Variants in DLGAP2 observed in about 807,000 individuals in gnomAD.
DLGAP2 encodes disks large-associated protein 2.
In DLGAP2, 26 loss-of-function variants were observed where a neutral mutation model predicts 100.3. That is an observed-to-expected ratio of 0.26 (90% confidence interval 0.19 to 0.36). DLGAP2 has a LOEUF of 0.36. Among genes scored for constraint, DLGAP2 ranks in the 10% least tolerant of loss-of-function variants. The probability of loss-of-function intolerance (pLI) is 1.00; values close to 1 mark genes in which losing one functional copy is unlikely to be tolerated. For missense variants in DLGAP2, 1,858 were observed against 1,453.2 expected (o/e 1.28, Z -4.53); for synonymous variants, 886 against 630.1 (o/e 1.41, Z -6.08).
chr8:1,426,086 G>A (rs562389371), intron 3 of DLGAP2, among the ~76,000 whole-genome samples: 63 of 152,224 alleles, frequency 4.1e-4, no homozygotes, highest in Non-Finnish European at 7.8e-4. Flanking sequence ...AAGGCCGGGA[G>A]AAAGCGTCAG....
rs553966041 is a variant in DLGAP2, at chr8:1,256,795, G to A, written c.74-2056G>A. ...GTTTCCAGGTCAACTAAACCTGAGG[G>A]TCTGCTTCAGTGATGGCAGCGATGG... On this transcript the variant is annotated intron_variant, in intron 2 of 14. Transcript: ENST00000637795. Among the ~76,000 whole-genome samples the A allele has an allele frequency of 3.3e-5, 5 of 152,270 alleles. No homozygotes were observed. The South Asian group carries it at 6.2e-4, about 19-fold the overall frequency.
At chr8:1,122,027 T>C (rs899211937) in intron 2 of DLGAP2, among the ~76,000 whole-genome samples, 5 of 152,172 alleles carry the variant, frequency 3.3e-5, no homozygotes, top group African/African-American at 1.2e-4. Flanking sequence ...CAGACCTTCC[T>C]AGGGATTGAG....
chr8:1,668,808 C>A, intron 9 of DLGAP2, 130 bp downstream of exon 9: 4 of 902,088 alleles, frequency 4.4e-6, no homozygotes, highest in Non-Finnish European at 6.5e-6. Flanking sequence ...GCTGTGGAAT[C>A]TGAGAGCAGG....
rs1378341634 is a variant in DLGAP2, at chr8:1,344,160, T to TGCC, written c.106+85277_106+85278insGCC. 6.3e-3 allele frequency among the ~76,000 whole-genome samples: 953 copies of TGCC among 150,578 alleles called. 34 individuals are homozygous for TGCC. The highest frequency in any genetic ancestry group is 0.01 in the Middle Eastern group (3 of 286). On this transcript the variant is annotated intron_variant, in intron 3 of 14. Transcript: ENST00000637795. Reference sequence around the variant, plus strand: ...CGTGTACTCGGGGCCCTGTCGTGGGTCTTTGTACTCGGGGCGCTGTCGTGG... The same window carrying TGCC: ...CGTGTACTCGGGGCCCTGTCGTGGGTGCCCTTTGTACTCGGGGCGCTGTCGTGG...
At chr8:1,054,448 G>A (rs1439952768) in intron 2 of DLGAP2, among the ~76,000 whole-genome samples, 1 of 152,152 alleles carries the variant, frequency 6.6e-6, no homozygotes. Flanking sequence ...CTTCGGCTTT[G>A]TAGACGTCTA....
intron 1 of DLGAP2, among the ~76,000 whole-genome samples, chr8:883,586 C>T (rs543488171): frequency 1.5e-3 from 229 of 150,082 alleles, no homozygotes; most frequent in Non-Finnish European, 2.4e-3. Context: ...TGTGCCGCGG[C>T]GGTTCGTTAC....
At chr8:764,973 T>G (rs1225599979) in intron 1 of DLGAP2, among the ~76,000 whole-genome samples, 1 of 152,204 alleles carries the variant, frequency 6.6e-6, no homozygotes, top group Non-Finnish European at 1.5e-5. Flanking sequence ...CAATAAAGCT[T>G]GTGGCTGTTA....
rs1563072910 is a variant in DLGAP2, at chr8:1,702,764, C to T, written c.*1358C>T. 6.6e-6 allele frequency: 1 copy of T among 152,270 alleles called. No homozygotes were observed. Among genetic ancestry groups the T allele is most frequent in the Non-Finnish European group, 1.5e-5 (1 of 68,036 alleles). 9.4% of individuals were successfully genotyped at this position (152,270 alleles called of 1,614,324 possible). Reference sequence around the variant, plus strand: ...ACGACTTCTGTTTCACAGTTCAGACCGGTCTTCAAAGGAAAAGCCTGTCCG... The same window carrying T: ...ACGACTTCTGTTTCACAGTTCAGACTGGTCTTCAAAGGAAAAGCCTGTCCG... On this transcript the variant is annotated 3_prime_UTR_variant, in exon 15 of 15. Coordinates refer to ENST00000637795, the MANE Select transcript of DLGAP2 (RefSeq NM_001346810.2).
intron 2 of DLGAP2, among the ~76,000 whole-genome samples, chr8:1,237,399 C>G: frequency 9.4e-6 from 1 of 106,000 alleles, no homozygotes; most frequent in South Asian, 4.0e-4. Flanking sequence ...GGCGCCGTGT[C>G]TAGTTACCTA....
chr8:1,233,434 A>C (rs1470431894), intron 2 of DLGAP2, among the ~76,000 whole-genome samples: 1 of 152,150 alleles, frequency 6.6e-6, no homozygotes, highest in Non-Finnish European at 1.5e-5. Context: ...ATTATTGCAA[A>C]CGTCCTGCCT....
At chr8:1,280,986 C>G (rs934994995) in intron 3 of DLGAP2, among the ~76,000 whole-genome samples, 1 of 152,268 alleles carries the variant, frequency 6.6e-6, no homozygotes, top group Admixed American at 6.5e-5. Flanking sequence ...ACGAGGAATC[C>G]TTACGATAGC....
intron 1 of DLGAP2, among the ~76,000 whole-genome samples, chr8:803,404 G>C (rs1170444262): frequency 6.6e-6 from 1 of 152,060 alleles, no homozygotes; most frequent in African/African-American, 2.4e-5. Context: ...ACCTCTGCAT[G>C]TATTGTCTTT....
At chr8:869,927 A>T (rs1257487549) in intron 1 of DLGAP2, among the ~76,000 whole-genome samples, 1 of 152,098 alleles carries the variant, frequency 6.6e-6, no homozygotes, top group African/African-American at 2.4e-5. Flanking sequence ...ATCAGGGAGT[A>T]CAGAATGAGG....
At chr8:1,167,527 G>A (rs912221319) in intron 2 of DLGAP2, among the ~76,000 whole-genome samples, 2 of 152,202 alleles carry the variant, frequency 1.3e-5, no homozygotes, top group African/African-American at 4.8e-5. Flanking sequence ...AGACCCAGGG[G>A]ATCTTAGTCA....
chr8:1,008,746 G>A (rs760994892), intron 2 of DLGAP2, among the ~76,000 whole-genome samples: 3 of 152,172 alleles, frequency 2.0e-5, no homozygotes, highest in Non-Finnish European at 4.4e-5. Context: ...CCCCACCCCA[G>A]CACTGAGGGT....
chr8:1,254,677 T>C (rs1380074138), intron 2 of DLGAP2, among the ~76,000 whole-genome samples: 1 of 150,190 alleles, frequency 6.7e-6, no homozygotes, highest in Non-Finnish European at 1.5e-5. Flanking sequence ...CAGTGGTGTC[T>C]TTCCCAGGAA....
intron 6 of DLGAP2, among the ~76,000 whole-genome samples, chr8:1,598,146 G>C (rs1166117121): frequency 6.6e-6 from 1 of 152,180 alleles, no homozygotes; most frequent in African/African-American, 2.4e-5. Context: ...CATTGGTTCT[G>C]TTTATGTGAT....
intron 4 of DLGAP2, 95 bp downstream of exon 4, chr8:1,501,526 A>C: frequency 8.4e-7 from 1 of 1,194,632 alleles, no homozygotes; most frequent in Non-Finnish European, 1.2e-6. Context: ...CCACAAACAC[A>C]CGTTAGCATG....
intron 3 of DLGAP2, among the ~76,000 whole-genome samples, chr8:1,354,393 GT>G (rs1378483301): frequency 1.3e-5 from 2 of 152,144 alleles, no homozygotes; most frequent in Non-Finnish European, 2.9e-5. Context: ...CGTGCTTGTA[GT>G]CCCAGCTACT....
Sources: allele counts gnomAD v4.1 joint callset (sites outside exome capture counted in the v4.1 genomes callset), GRCh38; gene constraint gnomAD v4.1.1; transcripts MANE v1.5; gene names NCBI Gene and HGNC (gene_info 2026-07-23, HGNC 2026-07-21).